Variants in CNTN4 observed in about 807,000 individuals in gnomAD.
The protein encoded by CNTN4 is contactin-4.
Under a neutral mutation model 122.5 loss-of-function variants are expected in CNTN4, and 77 were observed. That is an observed-to-expected ratio of 0.63 (90% CI 0.52 to 0.76). CNTN4 has a LOEUF of 0.76. CNTN4 is among the 30% of genes least tolerant of loss of function. CNTN4 has a pLI of 0.00. For synonymous variants in CNTN4, 512 were observed against 447.0 expected, an observed-to-expected ratio of 1.15 and a Z score of -1.83; for missense variants, 1,256 against 1,259.1, an observed-to-expected ratio of 1.00 and a Z score of 0.04.
intron 6 of CNTN4, among the ~76,000 whole-genome samples, chr3:2,802,200 A>T (rs1006019978): frequency 2.0e-5 from 3 of 152,190 alleles, no homozygotes; most frequent in Non-Finnish European, 4.4e-5. Context: ...CCATCCCTGA[A>T]ATTTATCGAT....
At chr3:2,471,237 C>T (rs575286431) in intron 3 of CNTN4, among the ~76,000 whole-genome samples, 9 of 152,158 alleles carry the variant, frequency 5.9e-5, no homozygotes, top group African/African-American at 2.2e-4. Context: ...GAGCTACAAG[C>T]TTTTATTGAC....
At chr3:2,721,355 G>A (rs2087841282) in intron 4 of CNTN4, among the ~76,000 whole-genome samples, 1 of 152,196 alleles carries the variant, frequency 6.6e-6, no homozygotes, top group Non-Finnish European at 1.5e-5. Flanking sequence ...GGTAGTGGCA[G>A]AGTAACCAAG....
In CNTN4 at chr3:3,006,751, G is replaced by A. The variant is rs372744595; in HGVS notation, c.1486+18279G>A. Among the ~76,000 whole-genome samples the A allele has an allele frequency of 1.3e-4, 20 of 152,150 alleles. 1 individual carries two copies. The highest frequency in any genetic ancestry group is 5.2e-4 in the Admixed American group (8 of 15,278). On this transcript the variant is annotated intron_variant, in intron 14 of 24. Coordinates refer to ENST00000418658, the MANE Select transcript of CNTN4 (RefSeq NM_175607.3). ...CCGATTTCATATACTAACTCCAGAC[G>A]TTCTTAGCAGCTCTATACCATGGAA...
chr3:2,194,270 C>G (rs1158220938), intron 2 of CNTN4, among the ~76,000 whole-genome samples: 1 of 151,874 alleles, frequency 6.6e-6, no homozygotes, highest in Non-Finnish European at 1.5e-5. Flanking sequence ...TTGAGACTAG[C>G]CTGGGCAACA....
chr3:2,504,032 T>C (rs1464473954), intron 3 of CNTN4, among the ~76,000 whole-genome samples: 1 of 151,952 alleles, frequency 6.6e-6, no homozygotes, highest in Non-Finnish European at 1.5e-5. Flanking sequence ...TTTTTTTATT[T>C]CCAGGTGAAA....
chr3:2,845,580 A>G (rs577380220), intron 7 of CNTN4, among the ~76,000 whole-genome samples: 5 of 152,350 alleles, frequency 3.3e-5, no homozygotes, highest in African/African-American at 1.2e-4. Context: ...TCTAGGTCCC[A>G]AAAGTGTAGG....
Position 2,795,559 on chromosome 3 carries a change from C to T in CNTN4, c.359-23927C>T, listed in dbSNP as rs186636676. On this transcript the variant is annotated intron_variant, in intron 6 of 24. Transcript: ENST00000418658. Reference sequence around the variant, plus strand: ...TTTCTGAGATGGAGTCTCGCTCTGTCGCCCAGGCTGGAGTGCGGTGGTGCC... The same window carrying T: ...TTTCTGAGATGGAGTCTCGCTCTGTTGCCCAGGCTGGAGTGCGGTGGTGCC... Among the ~76,000 whole-genome samples, 548 of 147,158 alleles carry T rather than the reference C, an allele frequency of 3.7e-3. 5 individuals are homozygous for T. Among genetic ancestry groups the T allele is most frequent in the African/African-American group, 0.013 (534 of 39,694 alleles).
chr3:2,781,924 C>T (rs888307079), intron 6 of CNTN4, among the ~76,000 whole-genome samples: 3 of 144,566 alleles, frequency 2.1e-5, no homozygotes, highest in Non-Finnish European at 4.5e-5. Flanking sequence ...GGGGCTTCAC[C>T]GTGTTAGCCA....
chr3:2,490,293 T>G (rs759679270), intron 3 of CNTN4, among the ~76,000 whole-genome samples: 4 of 152,210 alleles, frequency 2.6e-5, no homozygotes, highest in African/African-American at 4.8e-5. Context: ...CAAGAAACTG[T>G]CACGCCCACT....
At chr3:2,388,916 G>A (rs962515083) in intron 3 of CNTN4, among the ~76,000 whole-genome samples, 2 of 146,146 alleles carry the variant, frequency 1.4e-5, no homozygotes, top group Non-Finnish European at 3.1e-5. Flanking sequence ...CCAGCACTTT[G>A]GGAGGCCGGG....
intron 14 of CNTN4, among the ~76,000 whole-genome samples, chr3:3,023,254 G>A (rs1056574089): frequency 6.6e-6 from 1 of 152,146 alleles, no homozygotes; most frequent in East Asian, 1.9e-4. Context: ...TCTGGTATGT[G>A]TACAGTGCAT....
At chr3:2,183,385 C>A (rs2037104671) in intron 2 of CNTN4, among the ~76,000 whole-genome samples, 1 of 152,134 alleles carries the variant, frequency 6.6e-6, no homozygotes, top group Non-Finnish European at 1.5e-5. Flanking sequence ...AGAGATGAAT[C>A]CGTAATAACA....
At chr3:2,859,630 T>C (rs2093652786) in intron 7 of CNTN4, among the ~76,000 whole-genome samples, 1 of 152,084 alleles carries the variant, frequency 6.6e-6, no homozygotes. Context: ...TTCTCACTGA[T>C]ACAGTTCTGA....
rs559374757 is a variant in CNTN4, at chr3:2,549,428, G to C, written c.-88-21988G>C. ...GCATGAAGAGGTGTTGAATTTTATC[G>C]AGAACTTTTCTGCATCTATTGAGAT... On this transcript the variant is annotated intron_variant, in intron 3 of 24. Coordinates refer to ENST00000418658, the MANE Select transcript of CNTN4 (RefSeq NM_175607.3). Among the ~76,000 whole-genome samples, 4 of 152,026 alleles carry C rather than the reference G, an allele frequency of 2.6e-5. No individual in the cohort carries two copies. The South Asian group carries it at 6.2e-4, about 24-fold the overall frequency.
At chr3:2,786,504 C>G (rs2091838958) in intron 6 of CNTN4, among the ~76,000 whole-genome samples, 1 of 151,582 alleles carries the variant, frequency 6.6e-6, no homozygotes, top group South Asian at 2.1e-4. Context: ...AAGCAAGCTA[C>G]CCCTTCACAA....
intron 3 of CNTN4, among the ~76,000 whole-genome samples, chr3:2,359,620 A>C (rs527445677): frequency 6.6e-6 from 1 of 152,224 alleles, no homozygotes; most frequent in East Asian, 1.9e-4. Flanking sequence ...GCTCACTGCA[A>C]GCCCCGCCTC....
chr3:3,053,029 G>A (rs550001013), intron 23 of CNTN4, among the ~76,000 whole-genome samples: 19 of 152,214 alleles, frequency 1.2e-4, no homozygotes, highest in African/African-American at 4.6e-4. Flanking sequence ...CAAACCTTGT[G>A]CAATCTTTTG....
chr3:3,014,097 TTTTG>T (rs1194755509), intron 14 of CNTN4, among the ~76,000 whole-genome samples: 3 of 150,438 alleles, frequency 2.0e-5, no homozygotes, highest in Non-Finnish European at 4.4e-5. Context: ...CCCCTAGGGG[TTTTG>T]TTTGTTTTAA....
At chr3:2,514,472 TAA>T (rs11328897) in intron 3 of CNTN4, among the ~76,000 whole-genome samples, 1,699 of 146,774 alleles carry the variant, frequency 0.012, 35 homozygotes, top group African/African-American at 0.04. Flanking sequence ...ACTCTGTCTT[TAA>T]AAAAAAAAAA....
Sources: gnomAD v4.1 joint callset for allele counts (sites outside exome capture counted in the v4.1 genomes callset) on GRCh38, gnomAD v4.1.1 for gene constraint, MANE v1.5 for transcripts, NCBI Gene and HGNC (gene_info 2026-07-23, HGNC 2026-07-21) for gene names.